Variants in TYW1 observed in about 807,000 individuals in gnomAD.
The protein encoded by TYW1 is S-adenosyl-L-methionine-dependent tRNA 4-demethylwyosine synthase TYW1.
A neutral mutation model predicts 96.2 loss-of-function variants in TYW1; 46 were observed. The ratio of observed to expected loss-of-function variants is 0.48; its 90% CI spans 0.38 to 0.61. The LOEUF (loss-of-function observed/expected upper bound fraction) is 0.61, where lower values mean the gene tolerates loss of function less well. Among genes scored for constraint, TYW1 ranks in the 20% least tolerant of loss-of-function variants. TYW1 has a pLI of 0.00. For synonymous variants in TYW1, 274 were observed against 323.0 expected (o/e 0.85, Z 1.63); for missense variants, 684 against 909.6 (o/e 0.75, Z 3.19).
At chr7:67,054,161 T>C (rs1213552168) in intron 8 of TYW1, among the ~76,000 whole-genome samples, 1 of 152,248 alleles carries the variant, frequency 6.6e-6, no homozygotes, top group Non-Finnish European at 1.5e-5. Flanking sequence ...ATCCTCTTTG[T>C]TATTCCATCT....
At chr7:67,166,748 A>G (rs1398943601) in intron 13 of TYW1, among the ~76,000 whole-genome samples, 1 of 152,116 alleles carries the variant, frequency 6.6e-6, no homozygotes, top group East Asian at 1.9e-4. Flanking sequence ...GTATGCCACG[A>G]TTTATTCCTT....
intron 10 of TYW1, among the ~76,000 whole-genome samples, chr7:67,067,799 TGTC>T (rs1795911254): frequency 6.6e-6 from 1 of 152,152 alleles, no homozygotes; most frequent in Non-Finnish European, 1.5e-5. Flanking sequence ...TATGCTAAGG[TGTC>T]AGCTTGGGTG....
chr7:67,079,954 T>C (rs1379481566), intron 10 of TYW1, among the ~76,000 whole-genome samples: 2 of 152,222 alleles, frequency 1.3e-5, no homozygotes, highest in African/African-American at 4.8e-5. Flanking sequence ...AAAAACATAC[T>C]TGATAGGATT....
intron 13 of TYW1, among the ~76,000 whole-genome samples, chr7:67,119,626 A>C (rs907851729): frequency 9.2e-5 from 14 of 152,194 alleles, no homozygotes; most frequent in Admixed American, 2.0e-4. Flanking sequence ...TTTTCTGATT[A>C]CAATTAGCTG....
intron 15 of TYW1, among the ~76,000 whole-genome samples, chr7:67,205,905 T>C (rs1800782759): frequency 6.6e-6 from 1 of 152,218 alleles, no homozygotes; most frequent in Non-Finnish European, 1.5e-5. Flanking sequence ...CACCATGTTG[T>C]TCCTCAGATC....
intron 13 of TYW1, among the ~76,000 whole-genome samples, chr7:67,159,260 A>G (rs1235004399): frequency 2.0e-5 from 3 of 152,194 alleles, no homozygotes; most frequent in Non-Finnish European, 4.4e-5. Context: ...GCAAAAATTT[A>G]TGTACACCTT....
rs11330425 is a variant in TYW1 at position 67,105,886 on chromosome 7, C to CTTT, written c.1562+7190_1562+7192dup. ...AACTTTTGAGAGAGGAGAGAATATT[C>CTTT]TTTTTTTTTTTTTTTTTTTTTTTTG... On this transcript the variant is annotated intron_variant, in intron 12 of 15. Coordinates refer to ENST00000359626, the MANE Select transcript of TYW1 (RefSeq NM_018264.4). Among the ~76,000 whole-genome samples, 113 of 61,394 alleles carry CTTT rather than the reference C, an allele frequency of 1.8e-3. 1 individual carries two copies. The highest frequency in any genetic ancestry group is 2.2e-3 in the Non-Finnish European group (77 of 34,510). 40.3% of individuals were successfully genotyped at this position (61,394 alleles called of 152,430 possible).
At position 67,050,116 on chromosome 7, in the gene TYW1, T is replaced by C. The variant is rs765081726; in HGVS notation, c.1102+50T>C. ...TATATGACTGTAGTCTTAGGCATTC[T>C]CATTTGATACCTGGAATGAAGTCTC... On this transcript the variant is annotated intron_variant, in intron 8 of 15. Transcript: ENST00000359626. 2.5e-6 allele frequency: 4 copies of C among 1,592,738 alleles called. No individual in the cohort carries two copies. In the South Asian group the frequency reaches 4.5e-5, roughly 18 times the overall value.
chr7:67,193,454 G>T (rs1481921103), intron 14 of TYW1, among the ~76,000 whole-genome samples: 1 of 152,078 alleles, frequency 6.6e-6, no homozygotes, highest in Non-Finnish European at 1.5e-5. Flanking sequence ...CTGCTCATTT[G>T]TTGGTTTTTA....
chr7:67,055,515 A>G (rs1795479155), intron 8 of TYW1, among the ~76,000 whole-genome samples: 1 of 151,500 alleles, frequency 6.6e-6, no homozygotes, highest in Non-Finnish European at 1.5e-5. Context: ...ATGAGAATCT[A>G]TTAAACCCAG....
chr7:67,235,768 C>G (rs1388874053), intron 15 of TYW1, among the ~76,000 whole-genome samples: 1 of 151,664 alleles, frequency 6.6e-6, no homozygotes. Flanking sequence ...GTGGCAGGTG[C>G]CAGTAGTCCC....
chr7:67,140,374 G>GAAA (rs200778624), intron 13 of TYW1, among the ~76,000 whole-genome samples: 40 of 137,562 alleles, frequency 2.9e-4, no homozygotes, highest in Non-Finnish European at 2.5e-4. Flanking sequence ...GAATAATTCT[G>GAAA]AAAAAAAAAA....
At chr7:67,197,977 A>G in intron 15 of TYW1, among the ~76,000 whole-genome samples, 1 of 91,682 alleles carries the variant, frequency 1.1e-5, no homozygotes, top group Non-Finnish European at 2.1e-5. Flanking sequence ...CCCCCGCAGC[A>G]TACACGTGCA....
chr7:67,231,878 C>T (rs1427488891), intron 15 of TYW1, among the ~76,000 whole-genome samples: 1 of 150,970 alleles, frequency 6.6e-6, no homozygotes, highest in African/African-American at 2.4e-5. Context: ...CTGTCTAGAA[C>T]TACTAAAAAG....
intron 13 of TYW1, among the ~76,000 whole-genome samples, chr7:67,163,660 G>A (rs1359050110): frequency 8.7e-5 from 13 of 149,556 alleles, no homozygotes; most frequent in African/African-American, 2.5e-4. Context: ...TGATCTTTAA[G>A]CAGGAGAATT....
chr7:67,088,030 A>G (rs1294374040), intron 11 of TYW1, among the ~76,000 whole-genome samples: 1 of 152,004 alleles, frequency 6.6e-6, no homozygotes, highest in African/African-American at 2.4e-5. Flanking sequence ...CGCTTCAGCT[A>G]ATTTAAAAAT....
At chr7:67,049,538 T>A (rs113968427) in intron 7 of TYW1, among the ~76,000 whole-genome samples, 2,889 of 152,156 alleles carry the variant, frequency 0.019, 84 homozygotes, top group African/African-American at 0.062. Context: ...AATTTTTTTT[T>A]AAATTATTTA....
chr7:67,116,836 A>G (rs1379175713), intron 12 of TYW1, among the ~76,000 whole-genome samples: 5 of 152,152 alleles, frequency 3.3e-5, no homozygotes, highest in Non-Finnish European at 5.9e-5. Flanking sequence ...CAAGGAAAAT[A>G]AGAATGCATT....
intron 3 of TYW1, among the ~76,000 whole-genome samples, chr7:67,006,747 T>C (rs1793608664): frequency 6.6e-6 from 1 of 152,030 alleles, no homozygotes; most frequent in African/African-American, 2.4e-5. Flanking sequence ...GCCAGGTATT[T>C]TTTTTATAGC....
Sources: allele counts gnomAD v4.1 joint callset (sites outside exome capture counted in the v4.1 genomes callset), GRCh38; gene constraint gnomAD v4.1.1; transcripts MANE v1.5; gene names NCBI Gene and HGNC (gene_info 2026-07-23, HGNC 2026-07-21).